SOCS5: variants seen among roughly 807,000 people sequenced by gnomAD.
The protein encoded by SOCS5 is CIS-6.
Under a neutral mutation model 42.8 loss-of-function variants are expected in SOCS5, and 32 were observed. The ratio of observed to expected loss-of-function variants is 0.75; its 90% CI spans 0.56 to 1.01. The LOEUF is 1.01. SOCS5 is among the 50% of genes least tolerant of loss of function. SOCS5 has a pLI of 0.00. For synonymous variants in SOCS5, 283 were observed against 229.6 expected (o/e 1.23, Z -2.10); for missense variants, 627 against 653.0 (o/e 0.96, Z 0.43).
chr2:46,741,082 CT>C (rs1673364321), intron 1 of SOCS5, among the ~76,000 whole-genome samples: 1 of 152,164 alleles, frequency 6.6e-6, no homozygotes, highest in African/African-American at 2.4e-5. Context: ...TTCTCTGCCC[CT>C]GTAACCCACC....
At chr2:46,746,544 G>C (rs905430398) in intron 1 of SOCS5, among the ~76,000 whole-genome samples, 1 of 151,796 alleles carries the variant, frequency 6.6e-6, no homozygotes, top group Non-Finnish European at 1.5e-5. Flanking sequence ...CCAGCTACTC[G>C]GGAGGCTGAG....
At chr2:46,754,297 T>G (rs1673686489) in intron 1 of SOCS5, among the ~76,000 whole-genome samples, 1 of 152,230 alleles carries the variant, frequency 6.6e-6, no homozygotes, top group South Asian at 2.1e-4. Flanking sequence ...AGATGAATTC[T>G]TAGCTTAAAA....
intron 1 of SOCS5, among the ~76,000 whole-genome samples, chr2:46,756,898 G>T (rs573038725): frequency 1.3e-5 from 2 of 152,156 alleles, no homozygotes; most frequent in Non-Finnish European, 2.9e-5. Context: ...AAATGCTTAC[G>T]AGAGAGATTT....
chr2:46,751,585 T>A (rs181151045), intron 1 of SOCS5, among the ~76,000 whole-genome samples: 2,051 of 152,250 alleles, frequency 0.013, 60 homozygotes, highest in African/African-American at 0.047. Flanking sequence ...TTAGATTTTT[T>A]AAAATATTTC....
intron 1 of SOCS5, among the ~76,000 whole-genome samples, chr2:46,736,519 CT>C (rs1673249433): frequency 6.6e-6 from 1 of 152,200 alleles, no homozygotes; most frequent in African/African-American, 2.4e-5. Flanking sequence ...TACCATTCTA[CT>C]GTCTGTCTCT....
Position 46,760,307 on chromosome 2 carries a change from G to C in SOCS5, c.*166G>C. ...GCTGTTACTTATTCAGATAAACATG[G>C]TGCCTATTGGAACAATAGCGGATAG... On this transcript the variant is annotated 3_prime_UTR_variant, in exon 2 of 2. Transcript: ENST00000394861. The C allele has an allele frequency of 1.6e-6, 1 of 607,878 alleles. No individual in the cohort carries two copies. The highest frequency in any genetic ancestry group is 3.1e-5 in the Admixed American group (1 of 32,130). 37.7% of individuals were successfully genotyped at this position (607,878 alleles called of 1,614,324 possible).
chr2:46,748,331 G>A (rs180791194), intron 1 of SOCS5, among the ~76,000 whole-genome samples: 33 of 151,874 alleles, frequency 2.2e-4, no homozygotes, highest in Middle Eastern at 6.8e-3. Flanking sequence ...GACCACAGAT[G>A]CATGCCACTT....
At chr2:46,731,773 C>A (rs952404059) in intron 1 of SOCS5, among the ~76,000 whole-genome samples, 1 of 152,114 alleles carries the variant, frequency 6.6e-6, no homozygotes, top group African/African-American at 2.4e-5. Flanking sequence ...AAAGTTTCAT[C>A]AGTAACACAT....
chr2:46,704,120 C>T (rs533346159), intron 1 of SOCS5, among the ~76,000 whole-genome samples: 8 of 152,296 alleles, frequency 5.3e-5, no homozygotes, highest in African/African-American at 1.9e-4. Context: ...GATGAGCTTT[C>T]ATACAGTAAT....
intron 1 of SOCS5, among the ~76,000 whole-genome samples, chr2:46,700,090 G>A (rs1339527501): frequency 6.6e-6 from 1 of 152,182 alleles, no homozygotes; most frequent in Admixed American, 6.5e-5. Flanking sequence ...TCTTTGATGT[G>A]GGGTTTGGGC....
chr2:46,723,684 A>G (rs554885076), intron 1 of SOCS5, among the ~76,000 whole-genome samples: 6 of 151,974 alleles, frequency 3.9e-5, no homozygotes, highest in Non-Finnish European at 8.8e-5. Context: ...GTTGGTTTTT[A>G]TGATGTTTTT....
chr2:46,719,954 A>C (rs886738042), intron 1 of SOCS5, among the ~76,000 whole-genome samples: 1 of 152,192 alleles, frequency 6.6e-6, no homozygotes, highest in African/African-American at 2.4e-5. Flanking sequence ...AGCAAAGGTA[A>C]TTTAAAAAAT....
intron 1 of SOCS5, 94 bp from the exon 2 acceptor site, chr2:46,758,425 A>C (rs1199932985): frequency 2.1e-5 from 17 of 805,760 alleles, no homozygotes; most frequent in Non-Finnish European, 3.3e-5. Context: ...TATCACTGAA[A>C]TTCTGGACGG....
At chr2:46,732,253 A>C (rs1436519236) in intron 1 of SOCS5, among the ~76,000 whole-genome samples, 1 of 152,242 alleles carries the variant, frequency 6.6e-6, no homozygotes, top group Non-Finnish European at 1.5e-5. Context: ...CAGGGCTTTT[A>C]TTCCATTCCG....
chr2:46,713,845 A>G (rs41427856), intron 1 of SOCS5, among the ~76,000 whole-genome samples: 1 of 152,180 alleles, frequency 6.6e-6, no homozygotes, highest in African/African-American at 2.4e-5. Context: ...TATTGATATG[A>G]TTTAATTATT....
At position 46,759,746 on chromosome 2, in the gene SOCS5, A is replaced by C; in HGVS notation, c.1216A>C (p.Arg406=). The C allele has an allele frequency of 6.2e-7, 1 of 1,614,186 alleles. No individual in the cohort carries two copies. The part of the protein sequence containing the change: ...EGKPEGTFLL[R]DSAQEDYLFS... ...GAAACCTGAAGGCACGTTTTTGCTC[A>C]GGGACTCTGCGCAAGAGGACTACCT... The change falls in exon 2 of 2, where the codon AGG becomes CGG. Residue 406 remains arginine, a synonymous_variant. Coordinates refer to ENST00000394861, the MANE Select transcript of SOCS5 (RefSeq NM_144949.3).
chr2:46,749,750 G>A (rs1385317946), intron 1 of SOCS5, among the ~76,000 whole-genome samples: 2 of 152,144 alleles, frequency 1.3e-5, no homozygotes, highest in African/African-American at 2.4e-5. Flanking sequence ...TAGATGAGCT[G>A]TAGAGTCAAT....
At chr2:46,729,049 C>T (rs1048902898) in intron 1 of SOCS5, among the ~76,000 whole-genome samples, 1 of 152,150 alleles carries the variant, frequency 6.6e-6, no homozygotes, top group Non-Finnish European at 1.5e-5. Flanking sequence ...TTTGACAAGC[C>T]GTCTGTTATC....
chr2:46,718,671 C>G (rs1672807618), intron 1 of SOCS5, among the ~76,000 whole-genome samples: 1 of 152,064 alleles, frequency 6.6e-6, no homozygotes, highest in South Asian at 2.1e-4. Flanking sequence ...ACTGCTCAAC[C>G]ACAGATAAAT....
Sources: allele counts gnomAD v4.1 joint callset (sites outside exome capture counted in the v4.1 genomes callset), GRCh38; gene constraint gnomAD v4.1.1; transcripts MANE v1.5; gene names NCBI Gene and HGNC (gene_info 2026-07-23, HGNC 2026-07-21).